GRID2: variants seen among roughly 807,000 people sequenced by gnomAD.
GRID2 encodes the protein glutamate ionotropic receptor delta type subunit 2.
Under a neutral mutation model 114.8 loss-of-function variants are expected in GRID2, and 33 were observed. The observed-to-expected ratio is 0.29, with a 90% CI of 0.22 to 0.38. The LOEUF is 0.38. Ranked by LOEUF, GRID2 falls within the 10% of genes least tolerant of loss-of-function variation. The pLI, the probability that GRID2 is intolerant of heterozygous loss-of-function variation, is 1.00. For synonymous variants in GRID2, 505 were observed against 449.9 expected (o/e 1.12, Z -1.55); for missense variants, 1,184 against 1,257.7 (o/e 0.94, Z 0.89).
chr4:92,771,371 A>G (rs1287743646), intron 2 of GRID2, among the ~76,000 whole-genome samples: 1 of 152,050 alleles, frequency 6.6e-6, no homozygotes, highest in African/African-American at 2.4e-5. Context: ...TTTCTTTTTC[A>G]CATGTGACTC....
Position 93,769,295 on chromosome 4 carries a change from T to A in GRID2, c.2446T>A (p.Ser816Thr). The A allele has an allele frequency of 1.2e-6, 2 of 1,614,106 alleles. No homozygotes were observed. The highest frequency in any genetic ancestry group is 1.7e-6 in the Non-Finnish European group (2 of 1,179,964). ...GAATGGCCAGTGTGACCTGTACTCG[T>A]CAGTGGACACAAAGCAGAAAGGAGG... ...PKNGQCDLYS[S>T]VDTKQKGGAL... Residue 816 changes from serine (S) to threonine (T), a missense_variant, in exon 15 of 16, where the codon TCA (serine) becomes ACA (threonine). Transcript: ENST00000282020.
At position 93,590,549 on chromosome 4, in the gene GRID2, G is replaced by C. The variant is rs1230541558; in HGVS notation, c.2194-35720G>C. ...ACTTGGCGATGCGGGCTCTTTTTTGGTTCCATATGAACTTTAAAGTAGTTT... is the reference window on the plus strand; with the variant it reads ...ACTTGGCGATGCGGGCTCTTTTTTGCTTCCATATGAACTTTAAAGTAGTTT... On this transcript the variant is annotated intron_variant, in intron 13 of 15. Transcript: ENST00000282020. Among the ~76,000 whole-genome samples the C allele has an allele frequency of 5.9e-5, 9 of 151,670 alleles. No homozygotes were observed. In the South Asian group the frequency reaches 1.9e-3, roughly 32 times the overall value.
At chr4:92,942,525 T>A (rs1322658778) in intron 2 of GRID2, among the ~76,000 whole-genome samples, 1 of 152,194 alleles carries the variant, frequency 6.6e-6, no homozygotes, top group Non-Finnish European at 1.5e-5. Context: ...CTTTATCCAA[T>A]TTGCCAGACT....
chr4:92,725,066 C>T (rs935603922), intron 2 of GRID2, among the ~76,000 whole-genome samples: 5 of 151,944 alleles, frequency 3.3e-5, no homozygotes, highest in Admixed American at 1.3e-4. Context: ...TTTAGGAGGC[C>T]GAGAGGGGTG....
At chr4:92,384,433 A>AATATAT (rs372161362) in intron 1 of GRID2, among the ~76,000 whole-genome samples, 65 of 30,232 alleles carry the variant, frequency 2.2e-3, no homozygotes, top group Non-Finnish European at 2.9e-3. Context: ...TGTGTGTAGG[A>AATATAT]ATATATATAT....
chr4:92,428,445 A>G (rs1054357284), intron 1 of GRID2, among the ~76,000 whole-genome samples: 10 of 152,012 alleles, frequency 6.6e-5, no homozygotes, highest in African/African-American at 2.4e-4. Context: ...CAGTTTCTAA[A>G]TTTTCAGTAA....
intron 2 of GRID2, among the ~76,000 whole-genome samples, chr4:93,013,190 G>A (rs1332671335): frequency 6.6e-6 from 1 of 151,976 alleles, no homozygotes; most frequent in African/African-American, 2.4e-5. Context: ...ATTTCACAGT[G>A]GTAGAGGAAG....
chr4:92,376,783 C>T (rs1020012213), intron 1 of GRID2, among the ~76,000 whole-genome samples: 3 of 152,172 alleles, frequency 2.0e-5, no homozygotes, highest in Non-Finnish European at 4.4e-5. Flanking sequence ...ATGGAAGCTG[C>T]CAACGCTTGG....
At chr4:92,581,637 T>A (rs567549380) in intron 1 of GRID2, among the ~76,000 whole-genome samples, 1 of 152,250 alleles carries the variant, frequency 6.6e-6, no homozygotes. Context: ...TTTCACACTA[T>A]GAGCAAATGT....
Position 93,482,649 on chromosome 4 carries a change from T to C in GRID2, c.1859-7990T>C, listed in dbSNP as rs967431859. Among the ~76,000 whole-genome samples, 3 of 152,062 alleles carry C rather than the reference T, an allele frequency of 2.0e-5. No individual in the cohort carries two copies. The South Asian group carries it at 6.2e-4, about 32-fold the overall frequency. ...CAAACCACCATAGCACATGTATACC[T>C]ATGTAACAAACCTGCACATTCTGCA... On this transcript the variant is annotated intron_variant, in intron 11 of 15. Coordinates refer to ENST00000282020, the MANE Select transcript of GRID2 (RefSeq NM_001510.4).
intron 9 of GRID2, among the ~76,000 whole-genome samples, chr4:93,400,408 T>C (rs1307681000): frequency 6.6e-6 from 1 of 152,102 alleles, no homozygotes; most frequent in Non-Finnish European, 1.5e-5. Flanking sequence ...CCACTGATCT[T>C]TACTTCTTAC....
chr4:93,145,473 T>G (rs1266886917), intron 4 of GRID2, among the ~76,000 whole-genome samples: 1 of 96,658 alleles, frequency 1.0e-5, no homozygotes, highest in Non-Finnish European at 1.9e-5. Flanking sequence ...ATTTATTTAT[T>G]TTTTTTTGAG....
chr4:92,837,538 T>G (rs1260422277), intron 2 of GRID2, among the ~76,000 whole-genome samples: 2 of 151,496 alleles, frequency 1.3e-5, no homozygotes, highest in African/African-American at 4.8e-5. Context: ...GAAAAAATAT[T>G]CAGTGGTTAA....
chr4:93,139,159 A>ATGTTAATG (rs1735533866), intron 4 of GRID2, among the ~76,000 whole-genome samples: 1 of 152,218 alleles, frequency 6.6e-6, no homozygotes, highest in Non-Finnish European at 1.5e-5. Context: ...TAAGACATGA[A>ATGTTAATG]TGTTAATGCA....
At chr4:92,904,351 ATATAT>A (rs1471260196) in intron 2 of GRID2, among the ~76,000 whole-genome samples, 2 of 150,304 alleles carry the variant, frequency 1.3e-5, no homozygotes, top group Non-Finnish European at 3.0e-5. Flanking sequence ...AATAAATAAA[ATATAT>A]TTATTTTCAA....
At chr4:93,166,600 T>C (rs1738273104) in intron 4 of GRID2, among the ~76,000 whole-genome samples, 1 of 152,156 alleles carries the variant, frequency 6.6e-6, no homozygotes, top group South Asian at 2.1e-4. Context: ...ATCTGGAGTA[T>C]AAAATGAAGA....
At chr4:92,784,809 T>C (rs1249204229) in intron 2 of GRID2, among the ~76,000 whole-genome samples, 2 of 151,896 alleles carry the variant, frequency 1.3e-5, no homozygotes, top group African/African-American at 4.8e-5. Context: ...CATGTGAAAG[T>C]AATTTTCTCA....
At chr4:93,646,615 T>C (rs887614875) in intron 14 of GRID2, among the ~76,000 whole-genome samples, 1 of 152,034 alleles carries the variant, frequency 6.6e-6, no homozygotes, top group South Asian at 2.1e-4. Flanking sequence ...GAGAAAGATA[T>C]ATGGTGAGAA....
intron 2 of GRID2, among the ~76,000 whole-genome samples, chr4:92,712,507 T>G (rs1167610024): frequency 6.6e-6 from 1 of 152,178 alleles, no homozygotes; most frequent in Non-Finnish European, 1.5e-5. Flanking sequence ...TTATGGTTTC[T>G]AATTATAGCG....
Sources: allele counts gnomAD v4.1 joint callset (sites outside exome capture counted in the v4.1 genomes callset), GRCh38; gene constraint gnomAD v4.1.1; transcripts MANE v1.5; gene names NCBI Gene and HGNC (gene_info 2026-07-23, HGNC 2026-07-21).